Variants in DIAPH2 observed in about 807,000 individuals in gnomAD.
DIAPH2 encodes diaphanous related formin 2.
In DIAPH2, 35 loss-of-function variants were observed where a neutral mutation model predicts 92.7. The ratio of observed to expected loss-of-function variants is 0.38; its 90% CI spans 0.29 to 0.50. The LOEUF (loss-of-function observed/expected upper bound fraction) is 0.50. DIAPH2 is among the 20% of genes least tolerant of loss of function. The pLI is 0.94. For synonymous variants in DIAPH2, 301 were observed against 280.4 expected, an observed-to-expected ratio of 1.07 and a Z score of -0.73; for missense variants, 701 against 819.5, an observed-to-expected ratio of 0.86 and a Z score of 1.77.
At chrX:97,427,258 A>G (rs1013224419) in intron 25 of DIAPH2, among the ~76,000 whole-genome samples, 2 of 111,461 alleles carry the variant, frequency 1.8e-5, no homozygotes, top group Non-Finnish European at 3.8e-5. Flanking sequence ...TGTGGTTCAC[A>G]TTTATGGCCT....
chrX:97,088,549 A>G lies in DIAPH2; in HGVS notation c.2248-11145A>G, dbSNP rs187292406. Among the ~76,000 whole-genome samples the G allele has an allele frequency of 3.1e-4, 35 of 111,773 alleles. No individual in the cohort carries two copies. The East Asian group carries it at 8.5e-3, about 27-fold the overall frequency. On this transcript the variant is annotated intron_variant, in intron 19 of 26. Transcript: ENST00000324765. ...ATCATGTGATTTGGTGATATTTTCA[A>G]TTAGATATTTTGAGCCTGTTAGGCT...
intron 26 of DIAPH2, among the ~76,000 whole-genome samples, chrX:97,435,071 G>A (rs1040756482): frequency 9.0e-6 from 1 of 111,443 alleles, no homozygotes; most frequent in African/African-American, 3.3e-5. Flanking sequence ...TCCTAAGAAG[G>A]GAGGAGAGGT....
intron 17 of DIAPH2, among the ~76,000 whole-genome samples, chrX:97,011,890 TC>T (rs1417354424): frequency 4.7e-5 from 1 of 21,084 alleles, no homozygotes; most frequent in African/African-American, 3.7e-4. Context: ...AGACACTGTC[TC>T]AAAAAAAAAA....
At chrX:96,823,538 G>A (rs6523065) in intron 4 of DIAPH2, among the ~76,000 whole-genome samples, 11,395 of 110,617 alleles carry the variant, frequency 0.1, 536 homozygotes, top group East Asian at 0.32. Flanking sequence ...TTAACAGTAC[G>A]TCTCTCTATG....
chrX:97,486,674 G>A (rs998780652), intron 26 of DIAPH2, among the ~76,000 whole-genome samples: 1 of 111,679 alleles, frequency 9.0e-6, no homozygotes, highest in Non-Finnish European at 1.9e-5. Flanking sequence ...TACTAGCCCA[G>A]TGCAAGTAGG....
intron 21 of DIAPH2, among the ~76,000 whole-genome samples, chrX:97,118,605 G>A (rs1222042477): frequency 1.8e-5 from 2 of 111,996 alleles, no homozygotes; most frequent in Non-Finnish European, 3.8e-5. Flanking sequence ...CAAGAAGCTT[G>A]TGGTACAGTT....
chrX:97,401,024 CCTAGCTCCACATTTTA>C (rs2069752146), intron 25 of DIAPH2, among the ~76,000 whole-genome samples: 1 of 109,456 alleles, frequency 9.1e-6, no homozygotes, highest in Non-Finnish European at 1.9e-5. Flanking sequence ...ATACCATGGC[CCTAGCTCCACATTTTA>C]CTCTTCATTC....
intron 18 of DIAPH2, among the ~76,000 whole-genome samples, chrX:97,074,135 G>A (rs1009634967): frequency 2.7e-5 from 3 of 112,088 alleles, no homozygotes; most frequent in African/African-American, 6.5e-5. Flanking sequence ...TGCCGGGCGC[G>A]GTGGCTCACG....
chrX:97,141,880 A>G, intron 22 of DIAPH2, 86 bp downstream of exon 22: 1 of 1,024,789 alleles, frequency 9.8e-7, no homozygotes, highest in Non-Finnish European at 1.3e-6. Context: ...CATTATTCAT[A>G]AAAGTATTTT....
chrX:97,513,649 G>A (rs1421984438), intron 26 of DIAPH2, among the ~76,000 whole-genome samples: 4 of 43,374 alleles, frequency 9.2e-5, no homozygotes, highest in Non-Finnish European at 4.1e-5. Flanking sequence ...GGCTGGTACC[G>A]GTTGTTCCTT....
intron 17 of DIAPH2, among the ~76,000 whole-genome samples, chrX:96,995,648 A>C (rs1245425540): frequency 8.9e-6 from 1 of 111,743 alleles, no homozygotes; most frequent in Non-Finnish European, 1.9e-5. Flanking sequence ...TTGACAAATG[A>C]ATGAAATGTG....
chrX:96,906,505 A>C, intron 5 of DIAPH2, among the ~76,000 whole-genome samples: 1 of 112,174 alleles, frequency 8.9e-6, no homozygotes, highest in Non-Finnish European at 1.9e-5. Flanking sequence ...GTGATGTTTT[A>C]TATACATTAT....
intron 22 of DIAPH2, among the ~76,000 whole-genome samples, chrX:97,231,868 C>T (rs890749452): frequency 9.0e-6 from 1 of 110,804 alleles, no homozygotes; most frequent in Non-Finnish European, 1.9e-5. Context: ...CAAAAACATC[C>T]TCCAAGAAAA....
chrX:97,316,906 G>T (rs758291472), intron 23 of DIAPH2, among the ~76,000 whole-genome samples: 3 of 111,898 alleles, frequency 2.7e-5, no homozygotes, highest in East Asian at 2.8e-4. Flanking sequence ...GCCACATGAA[G>T]AAGTTAGATG....
chrX:96,837,102 C>G (rs1020121799), intron 4 of DIAPH2, among the ~76,000 whole-genome samples: 15 of 110,486 alleles, frequency 1.4e-4, no homozygotes, highest in Non-Finnish European at 2.3e-4. Context: ...GTAAAATATC[C>G]CTTTCCTTGC....
intron 23 of DIAPH2, among the ~76,000 whole-genome samples, chrX:97,335,317 T>G (rs962138167): frequency 8.9e-6 from 1 of 111,770 alleles, no homozygotes; most frequent in African/African-American, 3.2e-5. Flanking sequence ...TCAGTGAGGG[T>G]TAGGAACCAT....
At chrX:97,429,203 C>T (rs758815904) in intron 25 of DIAPH2, among the ~76,000 whole-genome samples, 44 of 112,136 alleles carry the variant, frequency 3.9e-4, no homozygotes, top group Middle Eastern at 4.6e-3. Flanking sequence ...AAGATAATCG[C>T]AGATGATGGT....
chrX:97,273,706 G>T (rs2068410268), intron 23 of DIAPH2, among the ~76,000 whole-genome samples: 1 of 111,814 alleles, frequency 8.9e-6, no homozygotes, highest in Non-Finnish European at 1.9e-5. Context: ...GGGGGGATTT[G>T]TACATGTAAA....
chrX:96,728,113 T>C (rs1250015825), intron 1 of DIAPH2, among the ~76,000 whole-genome samples: 1 of 109,789 alleles, frequency 9.1e-6, no homozygotes, highest in East Asian at 2.8e-4. Flanking sequence ...TAACAGTTAA[T>C]GCTGTCAAGA....
Sources: gnomAD v4.1 joint callset for allele counts (sites outside exome capture counted in the v4.1 genomes callset) on GRCh38, gnomAD v4.1.1 for gene constraint, MANE v1.5 for transcripts, NCBI Gene and HGNC (gene_info 2026-07-23, HGNC 2026-07-21) for gene names.